Variants in ZNF521 observed in about 807,000 individuals in gnomAD.
ZNF521 encodes the protein zinc finger protein 521.
A neutral mutation model predicts 105.5 loss-of-function variants in ZNF521; 14 were observed. That is an observed-to-expected ratio of 0.13 (90% CI 0.09 to 0.21). The LOEUF (loss-of-function observed/expected upper bound fraction) is 0.21. Ranked by LOEUF, ZNF521 falls within the 10% of genes least tolerant of loss-of-function variation. The pLI is 1.00. For synonymous variants in ZNF521, 635 were observed against 606.0 expected, an observed-to-expected ratio of 1.05 and a Z score of -0.70; for missense variants, 1,233 against 1,629.7, an observed-to-expected ratio of 0.76 and a Z score of 4.19.
intron 5 of ZNF521, among the ~76,000 whole-genome samples, chr18:25,183,187 T>C (rs141588723): frequency 2.0e-5 from 3 of 152,184 alleles, no homozygotes; most frequent in Non-Finnish European, 4.4e-5. Context: ...CTAATTTGAT[T>C]TGATAATATG....
intron 4 of ZNF521, among the ~76,000 whole-genome samples, chr18:25,213,952 G>T (rs1383737622): frequency 6.6e-6 from 1 of 151,516 alleles, no homozygotes; most frequent in Non-Finnish European, 1.5e-5. Flanking sequence ...TCTTCATTTG[G>T]CATTTTTTGT....
chr18:25,065,211 G>C (rs975342294), intron 7 of ZNF521, among the ~76,000 whole-genome samples: 1 of 152,066 alleles, frequency 6.6e-6, no homozygotes, highest in Admixed American at 6.5e-5. Context: ...GACCAAATAA[G>C]TACAAGAAGA....
Position 25,226,364 on chromosome 18 carries a change from G to A in ZNF521, c.1554C>T (p.Cys518=), listed in dbSNP as rs1906127808. The A allele has an allele frequency of 1.2e-6, 2 of 1,613,966 alleles. No homozygotes were observed. Among genetic ancestry groups the A allele is most frequent in the South Asian group, 1.1e-5 (1 of 91,080 alleles). Residue 518 remains cysteine, a synonymous_variant, in exon 4 of 8, where the codon TGC becomes TGT. Coordinates refer to ENST00000361524, the MANE Select transcript of ZNF521 (RefSeq NM_015461.3). This position sits in a 1 kb window ranked among gnomAD's most constrained non-coding sequence, Gnocchi z 4.1. ...AAGAGTCAGTGAGAAACCCCATATAGCAATGGGGACAAAAGAATGCATTAC... is the reference window on the plus strand; with the variant it reads ...AAGAGTCAGTGAGAAACCCCATATAACAATGGGGACAAAAGAATGCATTAC... ...KDSNAFFCPH[C]YMGFLTDSSL...
chr18:25,125,843 T>C (rs919425195), intron 5 of ZNF521, among the ~76,000 whole-genome samples: 1 of 152,038 alleles, frequency 6.6e-6, no homozygotes, highest in African/African-American at 2.4e-5. Flanking sequence ...AGTTTTAATG[T>C]GGATATTAGT....
intron 7 of ZNF521, among the ~76,000 whole-genome samples, chr18:25,065,715 C>T (rs1054202609): frequency 6.6e-6 from 1 of 151,508 alleles, no homozygotes; most frequent in Admixed American, 6.6e-5. Flanking sequence ...TGATTGGATT[C>T]TAGGGGTTAG....
chr18:25,119,259 GC>G (rs1470707990), intron 5 of ZNF521, among the ~76,000 whole-genome samples: 1 of 152,008 alleles, frequency 6.6e-6, no homozygotes, highest in Non-Finnish European at 1.5e-5. Flanking sequence ...CTAGCTCCCT[GC>G]CCCCGCCAAT....
At chr18:25,197,046 T>A (rs1477838444) in intron 4 of ZNF521, among the ~76,000 whole-genome samples, 2 of 151,764 alleles carry the variant, frequency 1.3e-5, no homozygotes, top group African/African-American at 2.4e-5. Flanking sequence ...TAATAAAGAA[T>A]AAAATCACTT....
chr18:25,209,187 A>G (rs1422399307), intron 4 of ZNF521, among the ~76,000 whole-genome samples: 2 of 151,642 alleles, frequency 1.3e-5, no homozygotes, highest in Non-Finnish European at 2.9e-5. Context: ...GCTGGAGTGC[A>G]GTGGCGCGAT....
chr18:25,274,965 TC>T (rs1909936433), intron 3 of ZNF521, among the ~76,000 whole-genome samples: 1 of 152,120 alleles, frequency 6.6e-6, no homozygotes, highest in South Asian at 2.1e-4. Context: ...AAAAAAAGTT[TC>T]ATCCCCAAAG....
At chr18:25,177,508 C>T (rs9960414) in intron 5 of ZNF521, among the ~76,000 whole-genome samples, 12,793 of 151,468 alleles carry the variant, frequency 0.084, 1,174 homozygotes, top group African/African-American at 0.23. Context: ...AATCTACACC[C>T]GTTCTGACTT....
At chr18:25,188,803 T>C (rs1361935947) in intron 5 of ZNF521, among the ~76,000 whole-genome samples, 5 of 152,166 alleles carry the variant, frequency 3.3e-5, no homozygotes, top group Admixed American at 2.0e-4. Context: ...GTAATTCTCC[T>C]TGAGAACAAC....
chr18:25,329,161 G>A (rs1388880882), intron 2 of ZNF521, among the ~76,000 whole-genome samples: 2 of 152,162 alleles, frequency 1.3e-5, no homozygotes, highest in Non-Finnish European at 2.9e-5. Context: ...TTCCCAACTG[G>A]TGGGTCAAAA....
At chr18:25,343,128 A>AT (rs1671594587) in intron 2 of ZNF521, among the ~76,000 whole-genome samples, 1 of 152,188 alleles carries the variant, frequency 6.6e-6, no homozygotes, top group African/African-American at 2.4e-5. Flanking sequence ...ATCAATGAGG[A>AT]TTTTGTCCCT....
intron 3 of ZNF521, among the ~76,000 whole-genome samples, chr18:25,264,641 T>C (rs1909126682): frequency 6.6e-6 from 1 of 152,212 alleles, no homozygotes; most frequent in South Asian, 2.1e-4. Flanking sequence ...GTCAATTTTA[T>C]TCAAAACCAA....
intron 5 of ZNF521, among the ~76,000 whole-genome samples, chr18:25,117,010 CACACACACATATATATATACAT>C (rs1567968769): frequency 1.9e-4 from 19 of 98,602 alleles, no homozygotes; most frequent in African/African-American, 8.0e-4. Flanking sequence ...TATACATACA[CACACACACATATATATATACAT>C]ACACACACAC....
rs1261082169 is a variant in ZNF521, at chr18:25,226,927, T to C, written c.991A>G (p.Ser331Gly). ...TTGCATGACTCCGGTTGCTGGTGAC[T>C]GTCCATGTGGCTGTACAGTTCCTCA... ...TVEELYSHMD[S>G]HQQPESCNHS... Residue 331 changes from serine (S) to glycine (G), a missense_variant, in exon 4 of 8, where the codon AGT becomes GGT. Around this residue, in one of 6 missense-constraint regions of ZNF521, gnomAD observed 380 missense variants for 478.0 expected, o/e 0.80. Coordinates refer to ENST00000361524, the MANE Select transcript of ZNF521 (RefSeq NM_015461.3). The surrounding 1 kb of genome is among the most constrained non-coding windows in gnomAD (Gnocchi z 4.1). 1.2e-6 allele frequency: 2 copies of C among 1,613,878 alleles called. No homozygotes were observed. The highest frequency in any genetic ancestry group is 1.7e-5 in the Admixed American group (1 of 60,002).
rs148811241 is a variant in ZNF521, at chr18:25,272,422, A to G, written c.221-44725T>C. ...CCATCCCATTACAAGGTATATACCC[A>G]AAGGATTATAATTCATTGTACTATA... On this transcript the variant is annotated intron_variant, in intron 3 of 7. Transcript: ENST00000361524. 1.9e-3 allele frequency among the ~76,000 whole-genome samples: 283 copies of G among 152,286 alleles called. 1 individual carries two copies. The highest frequency in any genetic ancestry group is 6.6e-3 in the African/African-American group (273 of 41,570).
Position 25,224,392 on chromosome 18 carries a change from G to T in ZNF521, c.3526C>A (p.Pro1176Thr), listed in dbSNP as rs140333504. Residue 1176 changes from proline to threonine, a missense_variant, in exon 4 of 8, where the codon CCC (proline) becomes ACC (threonine). This residue lies in a region of ZNF521 where 614 missense variants were observed against 751.5 expected (regional missense o/e 0.82). Transcript: ENST00000361524. ...PDSNSTQLKT[P>T]QVSPMPRISP... is the part of the protein sequence containing the mutation. ...ATTCTGGGCATTGGTGATACTTGGG[G>T]CGTTTTCAACTGTGTGCTGTTGCTG... 7.4e-6 allele frequency: 12 copies of T among 1,613,784 alleles called. No homozygotes were observed. In the African/African-American group the frequency reaches 1.5e-4, roughly 20 times the overall value.
chr18:25,233,830 C>A (rs1386093937), intron 3 of ZNF521, among the ~76,000 whole-genome samples: 1 of 152,150 alleles, frequency 6.6e-6, no homozygotes, highest in African/African-American at 2.4e-5. Flanking sequence ...ATTCTTTCAC[C>A]AGACACATTT....
Sources: allele counts gnomAD v4.1 joint callset (sites outside exome capture counted in the v4.1 genomes callset), GRCh38; gene constraint gnomAD v4.1.1; regional missense constraint gnomAD v4.1.1; non-coding constraint Gnocchi (gnomAD v3.1); transcripts MANE v1.5; gene names NCBI Gene and HGNC (gene_info 2026-07-23, HGNC 2026-07-21).